TTC23: variants seen among roughly 807,000 people sequenced by gnomAD.
TTC23 encodes tetratricopeptide repeat domain 23.
In TTC23, 58 loss-of-function variants were observed where a neutral mutation model predicts 55.1. The ratio of observed to expected loss-of-function variants is 1.05; its 90% CI spans 0.85 to 1.31. The LOEUF (loss-of-function observed/expected upper bound fraction) is 1.31. Among genes scored for constraint, TTC23 ranks in the 50% most tolerant of loss-of-function variants. TTC23 has a pLI of 0.00. For missense variants in TTC23, 516 were observed against 534.4 expected, an observed-to-expected ratio of 0.97 and a Z score of 0.34; for synonymous variants, 203 against 199.9, an observed-to-expected ratio of 1.02 and a Z score of -0.13.
chr15:99,226,525 T>C (rs1342637171), intron 5 of TTC23, among the ~76,000 whole-genome samples: 1 of 152,244 alleles, frequency 6.6e-6, no homozygotes, highest in African/African-American at 2.4e-5. Context: ...AATTACGTCA[T>C]GTTAATACCA....
rs928578578 is a variant in TTC23, at chr15:99,182,787, C to T, written c.760-7632G>A. 1.0e-4 allele frequency among the ~76,000 whole-genome samples: 15 copies of T among 150,374 alleles called. No homozygotes were observed. The South Asian group carries it at 2.9e-3, about 30-fold the overall frequency. On this transcript the variant is annotated intron_variant, in intron 9 of 13. Coordinates refer to ENST00000394132, the MANE Select transcript of TTC23 (RefSeq NM_001288615.3). ...CCTATATAGCTTGATTTTTAAAAAACAAAGAACATGTATCATTTTTTAAAA... is the reference window on the plus strand; with the variant it reads ...CCTATATAGCTTGATTTTTAAAAAATAAAGAACATGTATCATTTTTTAAAA...
At chr15:99,148,203 A>G (rs1469375442) in intron 12 of TTC23, among the ~76,000 whole-genome samples, 2 of 151,698 alleles carry the variant, frequency 1.3e-5, no homozygotes, top group Non-Finnish European at 2.9e-5. Context: ...TCAACTAAAA[A>G]TACACAAGTT....
intron 5 of TTC23, among the ~76,000 whole-genome samples, chr15:99,228,088 C>T (rs990172883): frequency 3.3e-5 from 5 of 152,152 alleles, no homozygotes; most frequent in African/African-American, 1.2e-4. Flanking sequence ...ATTAGTCATA[C>T]AATAGATATT....
intron 9 of TTC23, among the ~76,000 whole-genome samples, chr15:99,186,581 A>G (rs2074683289): frequency 6.6e-6 from 1 of 152,210 alleles, no homozygotes; most frequent in South Asian, 2.1e-4. Context: ...GTGTGGCAAA[A>G]AGCAGAAATA....
At chr15:99,169,215 G>A (rs1277482063) in intron 10 of TTC23, among the ~76,000 whole-genome samples, 1 of 152,178 alleles carries the variant, frequency 6.6e-6, no homozygotes, top group Non-Finnish European at 1.5e-5. Context: ...AGGCTGGTTG[G>A]GCATTTTGTA....
At chr15:99,147,265 A>G (rs111601164) in intron 12 of TTC23, among the ~76,000 whole-genome samples, 45 of 112,406 alleles carry the variant, frequency 4.0e-4, no homozygotes, top group South Asian at 1.6e-3. Context: ...TCGCTCTGTC[A>G]CCCAGGCTGG....
At chr15:99,139,028 C>G in intron 13 of TTC23, 1 of 457,268 alleles carries the variant, frequency 2.2e-6, no homozygotes, top group Non-Finnish European at 4.0e-6. Flanking sequence ...CACAGGGATT[C>G]CCGGGGCCCT....
intron 12 of TTC23, chr15:99,144,523 G>A (rs2068607050): frequency 6.6e-6 from 1 of 152,100 alleles, no homozygotes; most frequent in East Asian, 1.9e-4. Context: ...TCCTGCCTAA[G>A]GTCCCAGAAT....
intron 8 of TTC23, among the ~76,000 whole-genome samples, chr15:99,217,032 T>C (rs971623362): frequency 2.6e-5 from 4 of 152,124 alleles, no homozygotes; most frequent in Admixed American, 6.6e-5. Flanking sequence ...ATGCATTCTA[T>C]AGAGCATTAT....
At chr15:99,250,107 G>A (rs1008151811), upstream of TTC23, among the ~76,000 whole-genome samples, 3 of 151,996 alleles carry the variant, frequency 2.0e-5, no homozygotes, top group Non-Finnish European at 4.4e-5. Flanking sequence ...TTAGCAGCAA[G>A]TCTTATTATT....
At chr15:99,204,974 A>G (rs1031424496) in intron 8 of TTC23, among the ~76,000 whole-genome samples, 5 of 152,158 alleles carry the variant, frequency 3.3e-5, no homozygotes, top group African/African-American at 7.2e-5. Context: ...CGATTTTTGC[A>G]TATAGCGAGA....
intron 7 of TTC23, 25 bp downstream of exon 7, chr15:99,218,873 G>T: frequency 6.2e-7 from 1 of 1,604,394 alleles, no homozygotes. Context: ...ATTTCTATTT[G>T]TAAAAGTTAG....
At chr15:99,159,496 G>C (rs993581879) in intron 11 of TTC23, 1 of 152,422 alleles carries the variant, frequency 6.6e-6, no homozygotes, top group East Asian at 1.9e-4. Context: ...CAGAGAAGCT[G>C]GTAAGAAATG....
At chr15:99,200,188 A>T in intron 8 of TTC23, 92 bp from the exon 9 acceptor site, 3 of 1,189,910 alleles carry the variant, frequency 2.5e-6, no homozygotes, top group Non-Finnish European at 3.4e-6. Flanking sequence ...TGACTCTTTG[A>T]TCCCTGGTGT....
intron 8 of TTC23, among the ~76,000 whole-genome samples, chr15:99,204,655 T>TTTTTTTTTA (rs2076471281): frequency 1.4e-5 from 2 of 145,636 alleles, no homozygotes; most frequent in African/African-American, 5.1e-5. Context: ...TTTTTTTTTT[T>TTTTTTTTTA]AGACAGGTCT....
intron 5 of TTC23, among the ~76,000 whole-genome samples, chr15:99,225,842 TAAAGA>T (rs1269742042): frequency 6.6e-6 from 1 of 152,140 alleles, no homozygotes; most frequent in Non-Finnish European, 1.5e-5. Flanking sequence ...AATTCTGCAG[TAAAGA>T]AACCTGCCAG....
chr15:99,244,195 T>C (rs1488646834), intron 2 of TTC23, among the ~76,000 whole-genome samples: 1 of 152,168 alleles, frequency 6.6e-6, no homozygotes, highest in Non-Finnish European at 1.5e-5. Flanking sequence ...TCATACTTAA[T>C]GGAGCATGTT....
chr15:99,181,968 A>G (rs1367049171), intron 9 of TTC23, among the ~76,000 whole-genome samples: 1 of 152,174 alleles, frequency 6.6e-6, no homozygotes, highest in Non-Finnish European at 1.5e-5. Flanking sequence ...ACTCTGTATA[A>G]GCATTAGCAA....
intron 8 of TTC23, among the ~76,000 whole-genome samples, chr15:99,210,239 CAG>C (rs928922596): frequency 1.4e-4 from 22 of 151,968 alleles, no homozygotes; most frequent in African/African-American, 5.1e-4. Context: ...AAAGGAAAGA[CAG>C]AAATGCAGTG....
Sources: allele counts gnomAD v4.1 joint callset (sites outside exome capture counted in the v4.1 genomes callset), GRCh38; gene constraint gnomAD v4.1.1; transcripts MANE v1.5; gene names NCBI Gene and HGNC (gene_info 2026-07-23, HGNC 2026-07-21).